Variants in CTNND2 observed in about 807,000 individuals in gnomAD.
CTNND2 encodes the protein catenin delta 2, also known as catenin delta-2.
A neutral mutation model predicts 144.4 loss-of-function variants in CTNND2; 22 were observed. The observed-to-expected ratio is 0.15, with a 90% CI of 0.11 to 0.22. The LOEUF is 0.22. Among genes scored for constraint, CTNND2 ranks in the 10% least tolerant of loss-of-function variants. CTNND2 has a pLI of 1.00. For missense variants in CTNND2, 1,353 were observed against 1,618.8 expected, an observed-to-expected ratio of 0.84 and a Z score of 2.82; for synonymous variants, 751 against 695.6, an observed-to-expected ratio of 1.08 and a Z score of -1.25.
intron 6 of CTNND2, among the ~76,000 whole-genome samples, chr5:11,393,050 ACACAATGAACACAC>A: frequency 6.6e-6 from 1 of 152,296 alleles, no homozygotes; most frequent in South Asian, 2.1e-4. Flanking sequence ...AATGTTCCAA[ACACAATGAACACAC>A]TTCCTTCTGA....
chr5:11,880,358 T>C (rs894337440), intron 1 of CTNND2, among the ~76,000 whole-genome samples: 2 of 151,986 alleles, frequency 1.3e-5, no homozygotes, highest in Non-Finnish European at 2.9e-5. Context: ...ACTAGAATGA[T>C]TAACACAACA....
At chr5:11,285,665 G>A (rs1747648975) in intron 9 of CTNND2, among the ~76,000 whole-genome samples, 1 of 152,040 alleles carries the variant, frequency 6.6e-6, no homozygotes, top group Admixed American at 6.6e-5. Context: ...CGAAAGAATG[G>A]CAGGTTTGGG....
At chr5:11,252,809 A>G (rs544634822) in intron 9 of CTNND2, among the ~76,000 whole-genome samples, 1 of 152,330 alleles carries the variant, frequency 6.6e-6, no homozygotes, top group South Asian at 2.1e-4. Context: ...TTGGGCACCA[A>G]AATGAATGTG....
intron 11 of CTNND2, among the ~76,000 whole-genome samples, chr5:11,164,363 A>G (rs376689321): frequency 6.6e-6 from 1 of 152,216 alleles, no homozygotes; most frequent in African/African-American, 2.4e-5. Flanking sequence ...ATAACCTGTT[A>G]TGCTTAAAAT....
At chr5:11,130,193 T>C (rs777212547) in intron 12 of CTNND2, among the ~76,000 whole-genome samples, 2 of 152,100 alleles carry the variant, frequency 1.3e-5, no homozygotes, top group Non-Finnish European at 2.9e-5. Flanking sequence ...CAACTACCTA[T>C]TGGGGCTGGC....
At chr5:11,239,768 T>C (rs1438976659) in intron 9 of CTNND2, among the ~76,000 whole-genome samples, 2 of 152,186 alleles carry the variant, frequency 1.3e-5, no homozygotes, top group Non-Finnish European at 2.9e-5. Flanking sequence ...CCCACTCAAA[T>C]GCGGGGCCTC....
chr5:11,531,278 A>G (rs31786), intron 3 of CTNND2, among the ~76,000 whole-genome samples: 99,434 of 151,886 alleles, frequency 0.65, 32,807 homozygotes, highest in Admixed American at 0.7. Context: ...ACAGGTGAGG[A>G]AAGAGGGAGT....
chr5:11,229,892 G>A (rs1422176688), intron 10 of CTNND2, among the ~76,000 whole-genome samples: 2 of 151,810 alleles, frequency 1.3e-5, no homozygotes, highest in Admixed American at 1.3e-4. Flanking sequence ...CAACTCTGGT[G>A]TGTGCATTGG....
At chr5:11,651,515 C>G (rs1280314612) in intron 2 of CTNND2, among the ~76,000 whole-genome samples, 3 of 152,220 alleles carry the variant, frequency 2.0e-5, no homozygotes, top group Non-Finnish European at 4.4e-5. Context: ...GAGATAAGGG[C>G]TACCACCTTT....
intron 16 of CTNND2, among the ~76,000 whole-genome samples, chr5:11,075,152 C>T (rs997642846): frequency 5.9e-5 from 9 of 152,164 alleles, no homozygotes; most frequent in African/African-American, 1.9e-4. Flanking sequence ...CGCTGTGTAG[C>T]GCCCTTCCCT....
chr5:11,274,579 G>GT (rs201191471), intron 9 of CTNND2, among the ~76,000 whole-genome samples: 163 of 144,348 alleles, frequency 1.1e-3, no homozygotes, highest in South Asian at 3.6e-3. Context: ...TTTTGCTTTC[G>GT]TTTTTTTTTT....
intron 9 of CTNND2, among the ~76,000 whole-genome samples, chr5:11,237,657 C>G (rs985543153): frequency 6.6e-6 from 1 of 152,094 alleles, no homozygotes; most frequent in African/African-American, 2.4e-5. Context: ...TGTGTCACCA[C>G]GTCCGTCTTA....
At chr5:11,640,700 C>T (rs969223231) in intron 2 of CTNND2, among the ~76,000 whole-genome samples, 7 of 152,156 alleles carry the variant, frequency 4.6e-5, no homozygotes, top group South Asian at 4.2e-4. Context: ...TCACATGACA[C>T]GCAAAAACAG....
intron 7 of CTNND2, among the ~76,000 whole-genome samples, chr5:11,383,286 C>T (rs1758705004): frequency 6.6e-6 from 1 of 152,000 alleles, no homozygotes; most frequent in Non-Finnish European, 1.5e-5. Flanking sequence ...CATGGAGTCT[C>T]GTAAGAACTC....
At chr5:11,163,161 C>A (rs1344149736) in intron 11 of CTNND2, among the ~76,000 whole-genome samples, 1 of 152,064 alleles carries the variant, frequency 6.6e-6, no homozygotes, top group Non-Finnish European at 1.5e-5. Context: ...CATTTGTGAC[C>A]AATGAAACAT....
chr5:11,835,332 T>C (rs1359295246), intron 1 of CTNND2, among the ~76,000 whole-genome samples: 1 of 152,178 alleles, frequency 6.6e-6, no homozygotes, highest in Admixed American at 6.5e-5. Flanking sequence ...AGTTGGGAAA[T>C]ATTTCCTTCC....
intron 3 of CTNND2, among the ~76,000 whole-genome samples, chr5:11,539,409 G>A (rs1324001835): frequency 6.6e-6 from 1 of 152,128 alleles, no homozygotes; most frequent in Non-Finnish European, 1.5e-5. Flanking sequence ...CAACCCACTG[G>A]AGCTACAGAG....
chr5:10,973,224 C>G lies in CTNND2; in HGVS notation c.*229G>C. ...TACAGCTCACGCTAGAAAGGTGCTG[C>G]CCACTGTCATATTTAGGATCACTTT... On this transcript the variant is annotated 3_prime_UTR_variant, in exon 22 of 22. Transcript: ENST00000304623. The surrounding 1 kb of genome is among the most constrained non-coding windows in gnomAD (Gnocchi z 5.6). 1 of 490,732 alleles carries G rather than the reference C, an allele frequency of 2.0e-6. No homozygotes were observed. The highest frequency in any genetic ancestry group is 3.5e-6 in the Non-Finnish European group (1 of 284,820). 30.4% of individuals were successfully genotyped at this position (490,732 alleles called of 1,614,324 possible). A position where few individuals can be genotyped will look rare whatever the true frequency, so the allele number is the denominator to read the frequency against.
intron 21 of CTNND2, among the ~76,000 whole-genome samples, chr5:10,980,553 C>T (rs1339856658): frequency 6.6e-6 from 1 of 152,114 alleles, no homozygotes; most frequent in Non-Finnish European, 1.5e-5. Flanking sequence ...TGGGTATATA[C>T]CCAAAGGGTT....
Sources: allele counts gnomAD v4.1 joint callset (sites outside exome capture counted in the v4.1 genomes callset), GRCh38; gene constraint gnomAD v4.1.1; non-coding constraint Gnocchi (gnomAD v3.1); transcripts MANE v1.5; gene names NCBI Gene and HGNC (gene_info 2026-07-23, HGNC 2026-07-21).